Variants in WDR45 observed in about 807,000 individuals in gnomAD.
WDR45 encodes the protein WD repeat domain 45, also known as WD repeat domain phosphoinositide-interacting protein 4.
In WDR45, 2 loss-of-function variants were observed where a neutral mutation model predicts 27.3. The observed-to-expected ratio is 0.07, with a 90% CI of 0.03 to 0.23. The LOEUF (loss-of-function observed/expected upper bound fraction) is 0.23. WDR45 is among the 10% of genes least tolerant of loss of function. The pLI is 1.00. For missense variants in WDR45, 175 were observed against 311.9 expected, an observed-to-expected ratio of 0.56 and a Z score of 3.31; for synonymous variants, 99 against 119.2, an observed-to-expected ratio of 0.83 and a Z score of 1.11.
In WDR45 at chrX:49,076,534, T is replaced by C. The variant is rs1431206549; in HGVS notation, c.342-10A>G. ...CAGCACGATCACGATCCTGTGGGTA[T>C]CACACAACACAGGATGGCCGTGAGG... On this transcript the variant is annotated splice_polypyrimidine_tract_variant and intron_variant, in intron 5 of 10. Coordinates refer to ENST00000376372, the MANE Select transcript of WDR45 (RefSeq NM_001029896.2). 2 of 1,208,376 alleles carry C rather than the reference T, an allele frequency of 1.7e-6. No individual in the cohort carries two copies. The highest frequency in any genetic ancestry group is 2.2e-6 in the Non-Finnish European group (2 of 893,295).
In WDR45 at chrX:49,093,417, C is replaced by T. The variant is rs1434117632; in HGVS notation, c.-18+6788G>A. On this transcript the variant is annotated intron_variant, in intron 2 of 11. Coordinates refer to the WDR45 transcript ENST00000356463. ...CTTCCCTGGGATTACAGGCTTGAGC[C>T]GCTGAGCCCGGCCAGCCCAGGCTAA... Among the ~76,000 whole-genome samples, 11 of 111,037 alleles carry T rather than the reference C, an allele frequency of 9.9e-5. No homozygotes were observed. The East Asian group carries it at 2.6e-3, about 26-fold the overall frequency.
intron 2 of WDR45, 43 bp downstream of exon 2, chrX:49,077,998 C>T (rs1557084539): frequency 8.3e-7 from 1 of 1,210,893 alleles, no homozygotes; most frequent in South Asian, 1.8e-5. Context: ...CCCCTCTTTT[C>T]CTCGCTTCCT....
chrX:49,090,614 T>G (rs1180429794), intron 2 of WDR45, among the ~76,000 whole-genome samples: 8 of 111,406 alleles, frequency 7.2e-5, no homozygotes, highest in South Asian at 3.8e-4. Context: ...CTCAGCTCAC[T>G]GCAACCTCCG....
chrX:49,097,123 T>C (rs1346683327), intron 2 of WDR45, among the ~76,000 whole-genome samples: 2 of 111,988 alleles, frequency 1.8e-5, no homozygotes, highest in Non-Finnish European at 3.8e-5. Context: ...TTTTTTAGCA[T>C]TTGTACTTTT....
chrX:49,076,086 G>A, intron 6 of WDR45, 141 bp from the exon 7 acceptor site: 1 of 519,220 alleles, frequency 1.9e-6, no homozygotes, highest in Non-Finnish European at 3.3e-6. Flanking sequence ...CAGCTCAGCT[G>A]CACGCCCCGC....
intron 2 of WDR45, among the ~76,000 whole-genome samples, chrX:49,087,044 G>T (rs868947733): frequency 1.3e-4 from 14 of 106,140 alleles, no homozygotes; most frequent in Non-Finnish European, 2.3e-4. Flanking sequence ...TTGTTTTTTT[G>T]TTTTTTGTTT....
At chrX:49,087,267 G>A in intron 2 of WDR45, among the ~76,000 whole-genome samples, 1 of 110,621 alleles carries the variant, frequency 9.0e-6, no homozygotes, top group Non-Finnish European at 1.9e-5. Flanking sequence ...TGAGGCACGA[G>A]AATCTCTTCA....
intron 2 of WDR45, among the ~76,000 whole-genome samples, chrX:49,097,021 A>G (rs1168330838): frequency 8.9e-6 from 1 of 111,964 alleles, no homozygotes; most frequent in Non-Finnish European, 1.9e-5. Flanking sequence ...TACAGGTGTG[A>G]GTTACTGCGC....
At chrX:49,092,404 A>AT (rs376526915) in intron 2 of WDR45, among the ~76,000 whole-genome samples, 7 of 106,584 alleles carry the variant, frequency 6.6e-5, no homozygotes, top group South Asian at 8.1e-4. Flanking sequence ...TCTTGGACCA[A>AT]TTTTTTTTTT....
At chrX:49,093,482 C>T (rs1205223466) in intron 2 of WDR45, among the ~76,000 whole-genome samples, 1 of 108,781 alleles carries the variant, frequency 9.2e-6, no homozygotes, top group Non-Finnish European at 1.9e-5. Flanking sequence ...CTGTCTCAGT[C>T]TTCCAGAGTG....
chrX:49,092,779 G>A (rs953695430), intron 2 of WDR45, among the ~76,000 whole-genome samples: 1 of 111,732 alleles, frequency 8.9e-6, no homozygotes, highest in African/African-American at 3.2e-5. Context: ...CTGACATGTT[G>A]AGTACCCATA....
rs1250433195 is a variant in WDR45 at position 49,074,685 on chromosome X, A to C, written c.*118T>G. ...ATTTAGACATAGCTCTGCTGAGTGG[A>C]AAGTGGGCACCAGCCCCATTAATGC... On this transcript the variant is annotated 3_prime_UTR_variant, in exon 11 of 11. Transcript: ENST00000376372. 23 of 553,096 alleles carry C rather than the reference A, an allele frequency of 4.2e-5. No homozygotes were observed. The Admixed American group carries it at 6.8e-4, about 16-fold the overall frequency. The allele number at this position is 553,096 out of a possible 1,213,427, so 45.6% of individuals were successfully genotyped here. A position where few individuals can be genotyped will look rare whatever the true frequency, so the allele number is the denominator to read the frequency against.
intron 4 of WDR45, 181 bp downstream of exon 4, chrX:49,077,462 T>G: frequency 2.0e-6 from 1 of 490,564 alleles, no homozygotes; most frequent in African/African-American, 2.4e-5. Context: ...TCAGAATTTT[T>G]AAAATGAAAA....
At chrX:49,101,151 C>G (rs1557088067), upstream of WDR45, 1 of 112,604 alleles carries the variant, frequency 8.9e-6, no homozygotes, top group Non-Finnish European at 1.9e-5. Flanking sequence ...GCACGACTTT[C>G]CCGGAGCCCA....
At chrX:49,092,842 T>C (rs1557086829) in intron 2 of WDR45, among the ~76,000 whole-genome samples, 1 of 112,703 alleles carries the variant, frequency 8.9e-6, no homozygotes, top group African/African-American at 3.2e-5. Context: ...GAATTCACTA[T>C]GGCACTCTGA....
intron 2 of WDR45, among the ~76,000 whole-genome samples, chrX:49,099,335 T>G (rs1602553860): frequency 9.3e-6 from 1 of 107,315 alleles, no homozygotes; most frequent in East Asian, 2.9e-4. Flanking sequence ...AAAAAAAAAA[T>G]CCAGAGGTGA....
At chrX:49,091,456 A>T (rs1275008264) in intron 2 of WDR45, among the ~76,000 whole-genome samples, 1 of 104,505 alleles carries the variant, frequency 9.6e-6, no homozygotes, top group Non-Finnish European at 2.0e-5. Flanking sequence ...TAAAGAAAAG[A>T]AAGAAGGAAT....
At chrX:49,098,705 GC>G (rs1321992835) in intron 2 of WDR45, among the ~76,000 whole-genome samples, 1 of 110,226 alleles carries the variant, frequency 9.1e-6, no homozygotes, top group Non-Finnish European at 1.9e-5. Flanking sequence ...TACTTGGGGG[GC>G]TGAGGTGGGA....
intron 2 of WDR45, among the ~76,000 whole-genome samples, chrX:49,097,029 C>T (rs1408629713): frequency 2.7e-5 from 3 of 111,898 alleles, no homozygotes; most frequent in Non-Finnish European, 5.6e-5. Flanking sequence ...TGAGTTACTG[C>T]GCCTGGCCAG....
Sources: allele counts gnomAD v4.1 joint callset (sites outside exome capture counted in the v4.1 genomes callset), GRCh38; gene constraint gnomAD v4.1.1; transcripts MANE v1.5; gene names NCBI Gene and HGNC (gene_info 2026-07-23, HGNC 2026-07-21).